Variants in PCLO observed in about 807,000 individuals in gnomAD.
The protein encoded by PCLO is piccolo presynaptic cytomatrix protein, also known as protein piccolo.
PCLO carries 82 observed loss-of-function variants against 427.5 expected under a neutral mutation model. The ratio of observed to expected loss-of-function variants is 0.19; its 90% CI spans 0.16 to 0.23. PCLO has a LOEUF of 0.23. PCLO is among the 10% of genes least tolerant of loss of function. The pLI, the probability that PCLO is intolerant of heterozygous loss-of-function variation, is 1.00. For missense variants in PCLO, 6,239 were observed against 6,115.9 expected (o/e 1.02, Z -0.67); for synonymous variants, 2,357 against 2,155.4 (o/e 1.09, Z -2.59).
chr7:83,091,971 C>T (rs983664814), intron 3 of PCLO, among the ~76,000 whole-genome samples: 1 of 152,172 alleles, frequency 6.6e-6, no homozygotes, highest in African/African-American at 2.4e-5. Flanking sequence ...GGAAGTTTCA[C>T]TTCCAAATTT....
At chr7:82,860,852 T>C (rs1792936356) in intron 10 of PCLO, among the ~76,000 whole-genome samples, 1 of 152,100 alleles carries the variant, frequency 6.6e-6, no homozygotes, top group South Asian at 2.1e-4. Flanking sequence ...TAGTTTTCTT[T>C]TTGCTTGTTT....
chr7:83,094,208 T>TC (rs1416297682), intron 3 of PCLO, among the ~76,000 whole-genome samples: 1 of 109,896 alleles, frequency 9.1e-6, no homozygotes, highest in African/African-American at 3.2e-5. Flanking sequence ...TGATTTTTTT[T>TC]TCTTTTTTTT....
chr7:82,804,792 T>G (rs537456432), intron 21 of PCLO, among the ~76,000 whole-genome samples: 1 of 152,312 alleles, frequency 6.6e-6, no homozygotes, highest in South Asian at 2.1e-4. Context: ...CACACTTCTT[T>G]TGTTTTTTCC....
chr7:82,978,131 C>T (rs1796061875), intron 3 of PCLO, among the ~76,000 whole-genome samples: 2 of 151,268 alleles, frequency 1.3e-5, no homozygotes, highest in African/African-American at 4.9e-5. Flanking sequence ...GTTCATGACT[C>T]ACCTGTCATT....
At chr7:83,110,758 A>G (rs938904432) in intron 3 of PCLO, among the ~76,000 whole-genome samples, 2 of 152,192 alleles carry the variant, frequency 1.3e-5, no homozygotes, top group African/African-American at 4.8e-5. Context: ...TATCAGGGTA[A>G]AAAGTATAGA....
At chr7:83,024,214 G>C (rs1788420896) in intron 3 of PCLO, among the ~76,000 whole-genome samples, 1 of 152,186 alleles carries the variant, frequency 6.6e-6, no homozygotes, top group Admixed American at 6.5e-5. Flanking sequence ...TTACTAGGGA[G>C]TGCCAGACAG....
chr7:82,895,716 A>G (rs1393273355), intron 9 of PCLO, among the ~76,000 whole-genome samples: 1 of 151,970 alleles, frequency 6.6e-6, no homozygotes, highest in Admixed American at 6.6e-5. Context: ...CATAGGTGAA[A>G]TGAATACATT....
intron 3 of PCLO, among the ~76,000 whole-genome samples, chr7:83,040,336 A>G (rs1788941892): frequency 6.6e-6 from 1 of 152,128 alleles, no homozygotes. Flanking sequence ...TTGTAGGCTG[A>G]TAGTCACCTT....
At chr7:82,999,346 T>G (rs1410933292) in intron 3 of PCLO, among the ~76,000 whole-genome samples, 1 of 138,138 alleles carries the variant, frequency 7.2e-6, no homozygotes, top group Non-Finnish European at 1.5e-5. Flanking sequence ...CATATATATT[T>G]AATATATATA....
chr7:83,134,235 AT>A lies in PCLO; in HGVS notation c.3300+14del, dbSNP rs758842558. On this transcript the variant is annotated intron_variant, in intron 3 of 24. Coordinates refer to ENST00000333891, the MANE Select transcript of PCLO (RefSeq NM_033026.6). ...CCATATGTAATATATATATATATAT[AT>A]ATATATAACTTACCTCAGTCAAATG... 3.1e-5 allele frequency: 25 copies of A among 799,736 alleles called. 1 individual carries two copies. The Middle Eastern group carries it at 2.0e-3, about 64-fold the overall frequency. 49.5% of individuals were successfully genotyped at this position (799,736 alleles called of 1,614,324 possible). A position where few individuals can be genotyped will look rare whatever the true frequency, so the allele number is the denominator to read the frequency against.
At chr7:82,784,155 C>A (rs1485277919) in intron 22 of PCLO, among the ~76,000 whole-genome samples, 1 of 152,188 alleles carries the variant, frequency 6.6e-6, no homozygotes, top group East Asian at 1.9e-4. Flanking sequence ...AAACTTGAGC[C>A]AGACTGTTTC....
At chr7:83,007,576 CGAT>C (rs565175918) in intron 3 of PCLO, among the ~76,000 whole-genome samples, 7 of 151,338 alleles carry the variant, frequency 4.6e-5, no homozygotes, top group Middle Eastern at 3.4e-3. Flanking sequence ...TTAAAAATTA[CGAT>C]GATAAGATAT....
intron 2 of PCLO, among the ~76,000 whole-genome samples, chr7:83,144,925 C>T (rs778053247): frequency 6.6e-6 from 1 of 152,032 alleles, no homozygotes; most frequent in African/African-American, 2.4e-5. Context: ...ACTGGTAATG[C>T]TTACTTTGCT....
chr7:82,923,829 T>C (rs113551813), intron 6 of PCLO, among the ~76,000 whole-genome samples: 339 of 152,216 alleles, frequency 2.2e-3, no homozygotes, highest in African/African-American at 7.5e-3. Flanking sequence ...AGCATCAATA[T>C]AGGTAATAAA....
chr7:82,966,723 A>C (rs1795783756), intron 3 of PCLO, among the ~76,000 whole-genome samples: 1 of 152,182 alleles, frequency 6.6e-6, no homozygotes, highest in African/African-American at 2.4e-5. Flanking sequence ...ATCTTCATTA[A>C]ATGAGAAAAA....
intron 10 of PCLO, among the ~76,000 whole-genome samples, chr7:82,854,206 G>A (rs1792742469): frequency 1.3e-5 from 2 of 151,880 alleles, no homozygotes; most frequent in African/African-American, 4.8e-5. Context: ...CCCCCTTACT[G>A]AGTTTCTTTT....
rs1181158337 is a variant in PCLO at position 82,754,924 on chromosome 7, GA to G, written c.*3650del. 1 of 151,894 alleles carries G rather than the reference GA, an allele frequency of 6.6e-6. No homozygotes were observed. The highest frequency in any genetic ancestry group is 1.5e-5 in the Non-Finnish European group (1 of 67,908). The allele number at this position is 151,894 out of a possible 1,614,324, so 9.4% of individuals were successfully genotyped here. ...TTGGAATATTTGACATTGTAGCAAT[GA>G]AAATAAGTTTTTAAAAATATTGTTA... On this transcript the variant is annotated 3_prime_UTR_variant, in exon 25 of 25. Coordinates refer to ENST00000333891, the MANE Select transcript of PCLO (RefSeq NM_033026.6).
rs1583939140 is a variant in PCLO at position 82,756,454 on chromosome 7, T to C, written c.*2121A>G. 6.6e-6 allele frequency: 1 copy of C among 151,984 alleles called. No homozygotes were observed. The highest frequency in any genetic ancestry group is 2.1e-4 in the South Asian group (1 of 4,826). The allele number at this position is 151,984 out of a possible 1,614,324, so 9.4% of individuals were successfully genotyped here. On this transcript the variant is annotated 3_prime_UTR_variant, in exon 25 of 25. Transcript: ENST00000333891. Reference sequence around the variant, plus strand: ...ATGGTAAATGACATTGTATTGTCAGTGGAGGGGGATTAAAAAATAGAGGGA... The same window carrying C: ...ATGGTAAATGACATTGTATTGTCAGCGGAGGGGGATTAAAAAATAGAGGGA...
chr7:83,031,712 ATCTC>A (rs35232098), intron 3 of PCLO, among the ~76,000 whole-genome samples: 181 of 142,494 alleles, frequency 1.3e-3, no homozygotes, highest in African/African-American at 2.1e-3. Context: ...ATGAGTCTTA[ATCTC>A]TCTCTCTCTC....
Sources: allele counts gnomAD v4.1 joint callset (sites outside exome capture counted in the v4.1 genomes callset), GRCh38; gene constraint gnomAD v4.1.1; transcripts MANE v1.5; gene names NCBI Gene and HGNC (gene_info 2026-07-23, HGNC 2026-07-21).